KHDRBS2: variants seen among roughly 807,000 people sequenced by gnomAD.
KHDRBS2 encodes the protein KH RNA binding domain containing, signal transduction associated 2, also known as KH domain-containing, RNA-binding, signal transduction-associated protein 2.
KHDRBS2 carries 26 observed loss-of-function variants against 44.3 expected under a neutral mutation model. The observed-to-expected ratio is 0.59, with a 90% CI of 0.43 to 0.81. The LOEUF (loss-of-function observed/expected upper bound fraction) is 0.81, where lower values mean the gene tolerates loss of function less well. Among genes scored for constraint, KHDRBS2 ranks in the 40% least tolerant of loss-of-function variants. KHDRBS2 has a pLI of 0.00. For synonymous variants in KHDRBS2, 194 were observed against 151.1 expected, an observed-to-expected ratio of 1.28 and a Z score of -2.08; for missense variants, 476 against 433.1, an observed-to-expected ratio of 1.10 and a Z score of -0.88.
At chr6:61,635,501 T>A in the KHDRBS2 span, among the ~76,000 whole-genome samples, 1 of 152,008 alleles carries the variant, frequency 6.6e-6, no homozygotes, top group Non-Finnish European at 1.5e-5. Context: ...TAAGTGCACA[T>A]TTAGGGGCTT....
chr6:61,559,025 A>C, the KHDRBS2 span, among the ~76,000 whole-genome samples: 1 of 152,164 alleles, frequency 6.6e-6, no homozygotes, highest in East Asian at 1.9e-4. Flanking sequence ...TGAAGTCTCC[A>C]GTTCTTTTTA....
chr6:61,922,846 A>G lies in KHDRBS2; in HGVS notation c.484-21475T>C, dbSNP rs565929751. ...GAATAAAGTTTGAGAATATTTATAG[A>G]AATAAATATGTTTATCACTTAATAT... On this transcript the variant is annotated intron_variant, in intron 4 of 8. Coordinates refer to ENST00000281156, the MANE Select transcript of KHDRBS2 (RefSeq NM_152688.4). Among the ~76,000 whole-genome samples the G allele has an allele frequency of 2.0e-5, 3 of 152,260 alleles. No individual in the cohort carries two copies. The South Asian group carries it at 6.2e-4, about 32-fold the overall frequency.
chr6:62,157,452 T>C (rs1816704764), intron 2 of KHDRBS2, among the ~76,000 whole-genome samples: 1 of 152,232 alleles, frequency 6.6e-6, no homozygotes, highest in South Asian at 2.1e-4. Flanking sequence ...TAGAACATCT[T>C]GCTCTCCTTT....
intron 2 of KHDRBS2, among the ~76,000 whole-genome samples, chr6:62,050,839 C>G (rs953705043): frequency 6.6e-6 from 1 of 151,954 alleles, no homozygotes; most frequent in Non-Finnish European, 1.5e-5. Context: ...ACAACTTGCA[C>G]GTGAATGCTC....
chr6:61,600,653 C>T, the KHDRBS2 span, among the ~76,000 whole-genome samples: 1,440 of 152,146 alleles, frequency 9.5e-3, 18 homozygotes, highest in African/African-American at 0.033. Context: ...GCCGAAGACC[C>T]GGGTCAGAGG....
intron 2 of KHDRBS2, among the ~76,000 whole-genome samples, chr6:62,164,328 G>A (rs16881826): frequency 0.029 from 4,473 of 151,708 alleles, 166 homozygotes; most frequent in African/African-American, 0.097. Context: ...TAAGGTATTC[G>A]GCATATAGAC....
chr6:61,889,589 C>A (rs892451456), intron 6 of KHDRBS2, among the ~76,000 whole-genome samples: 1 of 133,290 alleles, frequency 7.5e-6, no homozygotes, highest in Non-Finnish European at 1.6e-5. Context: ...CCTCCATCAT[C>A]CTGTCATGGG....
At chr6:61,954,998 A>G (rs1440274001) in intron 4 of KHDRBS2, among the ~76,000 whole-genome samples, 1 of 121,648 alleles carries the variant, frequency 8.2e-6, no homozygotes, top group Non-Finnish European at 1.7e-5. Flanking sequence ...ACATATATAG[A>G]CATACATATG....
chr6:62,154,628 A>G lies in KHDRBS2; in HGVS notation c.219+22557T>C, dbSNP rs531394367. On this transcript the variant is annotated intron_variant, in intron 2 of 8. Transcript: ENST00000281156. The stretch of plus-strand genomic sequence containing the variant: ...TTAGAGTTGAGACATAAAGGAAAAA[A>G]TAAAAAAGGGAATGAATGATTCATG... Among the ~76,000 whole-genome samples the G allele has an allele frequency of 6.5e-4, 99 of 152,300 alleles. 2 individuals are homozygous for G. The South Asian group carries it at 0.02, about 30-fold the overall frequency.
intron 2 of KHDRBS2, among the ~76,000 whole-genome samples, chr6:62,071,985 C>G (rs1259342548): frequency 6.6e-6 from 1 of 152,214 alleles, no homozygotes; most frequent in East Asian, 1.9e-4. Context: ...ATGGAATGTT[C>G]TTCCATTTGT....
intron 6 of KHDRBS2, among the ~76,000 whole-genome samples, chr6:61,745,616 C>T (rs1776752824): frequency 6.6e-6 from 1 of 152,100 alleles, no homozygotes; most frequent in Admixed American, 6.6e-5. Flanking sequence ...GCTGTCATGA[C>T]TAAGAACAAG....
intron 6 of KHDRBS2, among the ~76,000 whole-genome samples, chr6:61,770,069 C>A (rs1780624393): frequency 6.6e-6 from 1 of 152,178 alleles, no homozygotes; most frequent in South Asian, 2.1e-4. Context: ...GATACCCAGG[C>A]AAACAGGGTC....
In KHDRBS2 at chr6:62,010,585, G is replaced by A. The variant is rs75252748; in HGVS notation, c.337-32373C>T. Among the ~76,000 whole-genome samples, 4 of 152,240 alleles carry A rather than the reference G, an allele frequency of 2.6e-5. No homozygotes were observed. The East Asian group carries it at 7.7e-4, about 29-fold the overall frequency. On this transcript the variant is annotated intron_variant, in intron 3 of 8. Transcript: ENST00000281156. Reference sequence around the variant, plus strand: ...ACAGCTCCCATAATTGCGATGTGTTGTGGGAGGGACCCAGTGGGAGATGAC... The same window carrying A: ...ACAGCTCCCATAATTGCGATGTGTTATGGGAGGGACCCAGTGGGAGATGAC...
intron 6 of KHDRBS2, among the ~76,000 whole-genome samples, chr6:61,750,802 C>T (rs575143164): frequency 4.0e-5 from 6 of 149,830 alleles, no homozygotes; most frequent in East Asian, 2.0e-4. Flanking sequence ...TACATCATCA[C>T]GGGAGTAGTC....
At position 61,680,395 on chromosome 6, in the gene KHDRBS2, C is replaced by T. The variant is rs1181987063; in HGVS notation, c.*568G>A. 1.3e-5 allele frequency: 2 copies of T among 151,812 alleles called. No homozygotes were observed. The highest frequency in any genetic ancestry group is 3.9e-4 in the East Asian group (2 of 5,132). The allele number at this position is 151,812 out of a possible 1,614,324, so 9.4% of individuals were successfully genotyped here. On this transcript the variant is annotated 3_prime_UTR_variant, in exon 9 of 9. Coordinates refer to ENST00000281156, the MANE Select transcript of KHDRBS2 (RefSeq NM_152688.4). ...TAAAACACTGAACAAATTCAGTTAGCTACATACATACAGTAGCTGCTTGTT... is the reference window on the plus strand; with the variant it reads ...TAAAACACTGAACAAATTCAGTTAGTTACATACATACAGTAGCTGCTTGTT...
chr6:62,111,313 T>C lies in KHDRBS2; in HGVS notation c.220-63319A>G, dbSNP rs117604923. ...GATCATTTTTAGAATACTGAAATTA[T>C]ACTACCACTGTAAAGCCTAAATGAA... is the stretch of plus-strand genomic sequence containing the variant. On this transcript the variant is annotated intron_variant, in intron 2 of 8. Transcript: ENST00000281156. Among the ~76,000 whole-genome samples the C allele has an allele frequency of 1.8e-4, 27 of 152,260 alleles. 1 individual carries two copies. The East Asian group carries it at 4.4e-3, about 25-fold the overall frequency.
At chr6:62,167,435 T>C (rs1456972457) in intron 2 of KHDRBS2, among the ~76,000 whole-genome samples, 1 of 152,058 alleles carries the variant, frequency 6.6e-6, no homozygotes, top group Non-Finnish European at 1.5e-5. Context: ...GGATGGGTAA[T>C]CAGAAAAGAC....
intron 2 of KHDRBS2, among the ~76,000 whole-genome samples, chr6:62,055,675 T>C (rs1406947646): frequency 6.6e-6 from 1 of 152,028 alleles, no homozygotes; most frequent in Admixed American, 6.6e-5. Context: ...GAATAGTGTG[T>C]TGTCAACTCC....
At chr6:61,979,135 G>A (rs1773332409) in intron 3 of KHDRBS2, among the ~76,000 whole-genome samples, 1 of 151,822 alleles carries the variant, frequency 6.6e-6, no homozygotes, top group African/African-American at 2.4e-5. Context: ...AAATCATTTT[G>A]TACATATTCA....
Sources: allele counts gnomAD v4.1 joint callset (sites outside exome capture counted in the v4.1 genomes callset), GRCh38; gene constraint gnomAD v4.1.1; transcripts MANE v1.5; gene names NCBI Gene and HGNC (gene_info 2026-07-23, HGNC 2026-07-21).